WDR33: variants seen among roughly 807,000 people sequenced by gnomAD.
The protein encoded by WDR33 is pre-mRNA 3' end processing protein WDR33.
In WDR33, 47 loss-of-function variants were observed where a neutral mutation model predicts 164.9. That is an observed-to-expected ratio of 0.29 (90% CI 0.23 to 0.36). The LOEUF is 0.36. Ranked by LOEUF, WDR33 falls within the 10% of genes least tolerant of loss-of-function variation. The pLI is 1.00. For synonymous variants in WDR33, 505 were observed against 589.0 expected (o/e 0.86, Z 2.06); for missense variants, 1,137 against 1,754.1 (o/e 0.65, Z 6.28).
chr2:127,746,143 A>G (rs1687162916), intron 7 of WDR33, among the ~76,000 whole-genome samples: 1 of 152,022 alleles, frequency 6.6e-6, no homozygotes, highest in South Asian at 2.1e-4. Flanking sequence ...TGGTTCTGAG[A>G]TGATAGTGGA....
intron 7 of WDR33, among the ~76,000 whole-genome samples, chr2:127,749,544 C>T (rs1687256420): frequency 6.6e-6 from 1 of 151,740 alleles, no homozygotes; most frequent in Non-Finnish European, 1.5e-5. Flanking sequence ...CACCTGTATT[C>T]CCAGCTATTC....
At chr2:127,755,475 G>A (rs1436025782) in intron 7 of WDR33, among the ~76,000 whole-genome samples, 1 of 152,012 alleles carries the variant, frequency 6.6e-6, no homozygotes. Flanking sequence ...GTATTGTTCT[G>A]GCTACAATGT....
At chr2:127,742,708 A>G (rs1687053215) in intron 7 of WDR33, among the ~76,000 whole-genome samples, 1 of 151,896 alleles carries the variant, frequency 6.6e-6, no homozygotes, top group South Asian at 2.1e-4. Context: ...ACAGCCCAAC[A>G]GTCATCTCCT....
rs1182104318 is a variant in WDR33, at chr2:127,718,285, G to C, written c.2760+980C>G. On this transcript the variant is annotated intron_variant, in intron 16 of 21. Transcript: ENST00000322313. The surrounding 1 kb of genome is among the most constrained non-coding windows in gnomAD (Gnocchi z 4.4). ...ACAGACTGTGCTTTCTACATCTGTA[G>C]CATCCCCTTTCTCCAAGTGTCTCAG... is the stretch of plus-strand genomic sequence containing the variant. 6.6e-6 allele frequency among the ~76,000 whole-genome samples: 1 copy of C among 152,042 alleles called. No homozygotes were observed. The highest frequency in any genetic ancestry group is 1.9e-4 in the East Asian group (1 of 5,184).
intron 1 of WDR33, among the ~76,000 whole-genome samples, chr2:127,791,170 C>A (rs374439224): frequency 0.043 from 4,875 of 112,768 alleles, 50 homozygotes; most frequent in Middle Eastern, 0.06. Flanking sequence ...CCCCACCCCC[C>A]CCCCCAGCAA....
chr2:127,752,640 T>C (rs930102610), intron 7 of WDR33, among the ~76,000 whole-genome samples: 1 of 147,058 alleles, frequency 6.8e-6, no homozygotes, highest in Non-Finnish European at 1.5e-5. Flanking sequence ...TAGGCACCAA[T>C]GACAGCAGCC....
Position 127,724,980 on chromosome 2 carries a change from C to T in WDR33, c.1007-15G>A. The T allele has an allele frequency of 6.2e-6, 10 of 1,614,156 alleles. No homozygotes were observed. Among genetic ancestry groups the T allele is most frequent in the African/African-American group, 1.3e-5 (1 of 75,050 alleles). On this transcript the variant is annotated splice_polypyrimidine_tract_variant and intron_variant, in intron 9 of 21. Coordinates refer to ENST00000322313, the MANE Select transcript of WDR33 (RefSeq NM_018383.5). The surrounding 1 kb of genome is among the most constrained non-coding windows in gnomAD (Gnocchi z 4.8). ...CCAGGCCACAGCTGCAGAACAAAAA[C>T]ATGGGAAAAGACACAATTATCAGGA...
rs764039105 is a variant in WDR33, at chr2:127,719,859, C to A, written c.2166G>T (p.Pro722=). Residue 722 remains proline, a synonymous_variant, in exon 16 of 22, where the codon CCG becomes CCT. Transcript: ENST00000322313. This position sits in a 1 kb window ranked among gnomAD's most constrained non-coding sequence, Gnocchi z 6.5. ...GGCCCAAGTGACCCTGAGGGCCAGG[C>A]GGGCCTTGGGGGCCTATGTGACCCT... ...GPQGHIGPQG[P]PGPQGHLGPQ... 2 of 1,613,398 alleles carry A rather than the reference C, an allele frequency of 1.2e-6. No individual in the cohort carries two copies. Among genetic ancestry groups the A allele is most frequent in the East Asian group, 2.2e-5 (1 of 44,880 alleles).
At chr2:127,768,152 A>G (rs376180276) in intron 4 of WDR33, 37 bp downstream of exon 4, 16 of 1,343,612 alleles carry the variant, frequency 1.2e-5, no homozygotes, top group Non-Finnish European at 1.5e-5. Context: ...ATAACGCAGG[A>G]TTAATTTTCC....
Position 127,709,395 on chromosome 2 carries a change from G to A in WDR33, c.3565+95C>T. On this transcript the variant is annotated intron_variant, in intron 20 of 21. Transcript: ENST00000322313. The surrounding 1 kb of genome is among the most constrained non-coding windows in gnomAD (Gnocchi z 5.0). ...CCAGCCCCCCGGGAGACATGAGCTG[G>A]AAAGAGGAGACCCGGTGCACCCCAG... 2 of 1,227,670 alleles carry A rather than the reference G, an allele frequency of 1.6e-6. No homozygotes were observed. The highest frequency in any genetic ancestry group is 2.4e-6 in the Non-Finnish European group (2 of 842,092). The allele number at this position is 1,227,670 out of a possible 1,614,324, so 76.0% of individuals were successfully genotyped here. A position where few individuals can be genotyped will look rare whatever the true frequency, so the allele number is the denominator to read the frequency against.
rs1686025670 is a variant in WDR33, at chr2:127,706,727, C to T, written c.3782-175G>A. 6.6e-6 allele frequency among the ~76,000 whole-genome samples: 1 copy of T among 152,208 alleles called. No homozygotes were observed. Among genetic ancestry groups the T allele is most frequent in the Non-Finnish European group, 1.5e-5 (1 of 68,044 alleles). On this transcript the variant is annotated intron_variant, in intron 21 of 21. Coordinates refer to ENST00000322313, the MANE Select transcript of WDR33 (RefSeq NM_018383.5). The surrounding 1 kb of genome is among the most constrained non-coding windows in gnomAD (Gnocchi z 5.1). ...TGCCTCTACCCTTTCCTGACCCTGC[C>T]TCCCCCTTCCTGGCTCATGGCCATG...
chr2:127,773,738 A>G lies in WDR33; in HGVS notation c.-23-2734T>C, dbSNP rs1688088231. On this transcript the variant is annotated intron_variant, in intron 1 of 21. Coordinates refer to ENST00000322313, the MANE Select transcript of WDR33 (RefSeq NM_018383.5). ...CAGCTTCAATTCAGATGTCTGGGCCAGTAATTCTAAAATAAAGCAGTTCTG... is the reference window on the plus strand; with the variant it reads ...CAGCTTCAATTCAGATGTCTGGGCCGGTAATTCTAAAATAAAGCAGTTCTG... Among the ~76,000 whole-genome samples, 3 of 152,290 alleles carry G rather than the reference A, an allele frequency of 2.0e-5. No homozygotes were observed. The South Asian group carries it at 6.2e-4, about 32-fold the overall frequency.
At chr2:127,742,883 A>C (rs542576245) in intron 7 of WDR33, among the ~76,000 whole-genome samples, 64 of 151,796 alleles carry the variant, frequency 4.2e-4, no homozygotes, top group African/African-American at 1.4e-3. Flanking sequence ...ACAAAAAAAA[A>C]CACCCCTCAG....
chr2:127,768,151 GATTA>G, intron 4 of WDR33, 34 bp downstream of exon 4: 1 of 1,321,342 alleles, frequency 7.6e-7, no homozygotes, highest in Non-Finnish European at 1.0e-6. Flanking sequence ...TATAACGCAG[GATTA>G]ATTTTCCCCC....
rs1232550952 is a variant in WDR33 at position 127,724,395 on chromosome 2, G to C, written c.1134C>G (p.Ile378Met). The change falls in exon 11 of 22, where the codon ATC becomes ATG. Residue 378 changes from isoleucine (I) to methionine (M), a missense_variant. Physicochemically the swap from Ile to Met is conservative, Grantham distance 10. Around this residue, in one of 9 missense-constraint regions of WDR33, gnomAD observed 21 missense variants for 102.2 expected, o/e 0.21. Coordinates refer to ENST00000322313, the MANE Select transcript of WDR33 (RefSeq NM_018383.5). This position sits in a 1 kb window ranked among gnomAD's most constrained non-coding sequence, Gnocchi z 4.8. The stretch of plus-strand genomic sequence containing the variant: ...CAAGAGGATGCCAAGCCAGACTCCA[G>C]ATCATCCCTTCGTGAGCCATCTCCA... ...GGMEMAHEGMIWSLAWHPLGH... is the reference protein window; with the variant it reads ...GGMEMAHEGMMWSLAWHPLGH... The C allele has an allele frequency of 6.2e-7, 1 of 1,614,030 alleles. No individual in the cohort carries two copies. The highest frequency in any genetic ancestry group is 8.5e-7 in the Non-Finnish European group (1 of 1,180,042).
At chr2:127,797,065 T>C (rs1391945854) in intron 1 of WDR33, among the ~76,000 whole-genome samples, 12 of 152,064 alleles carry the variant, frequency 7.9e-5, no homozygotes, top group African/African-American at 2.9e-4. Flanking sequence ...CCATGAATGA[T>C]CACCATGGCA....
chr2:127,788,273 AG>A (rs1688681934), intron 1 of WDR33, among the ~76,000 whole-genome samples: 1 of 75,110 alleles, frequency 1.3e-5, no homozygotes. Flanking sequence ...CCTCCCGGAC[AG>A]GGCGGCCGGC....
intron 1 of WDR33, among the ~76,000 whole-genome samples, chr2:127,775,319 G>T (rs958385565): frequency 6.6e-6 from 1 of 152,128 alleles, no homozygotes; most frequent in African/African-American, 2.4e-5. Flanking sequence ...CTCCCAAGTA[G>T]CTGGGACTAT....
chr2:127,777,753 C>T (rs1688232494), intron 1 of WDR33, among the ~76,000 whole-genome samples: 1 of 152,124 alleles, frequency 6.6e-6, no homozygotes, highest in Non-Finnish European at 1.5e-5. Flanking sequence ...TGGGACTACA[C>T]ATGTGTGCCA....
Sources: allele counts gnomAD v4.1 joint callset (sites outside exome capture counted in the v4.1 genomes callset), GRCh38; gene constraint gnomAD v4.1.1; regional missense constraint gnomAD v4.1.1; non-coding constraint Gnocchi (gnomAD v3.1); transcripts MANE v1.5; gene names NCBI Gene and HGNC (gene_info 2026-07-23, HGNC 2026-07-21).